The following METTL3 variants were observed in gnomAD, a reference collection of about 807,000 sequenced individuals.
The protein encoded by METTL3 is N(6)-adenosine-methyltransferase catalytic subunit METTL3.
Under a neutral mutation model 64.3 loss-of-function variants are expected in METTL3, and 42 were observed. That is an observed-to-expected ratio of 0.65 (90% CI 0.51 to 0.84). The LOEUF is 0.84. Ranked by LOEUF, METTL3 falls within the 40% of genes least tolerant of loss-of-function variation. METTL3 has a pLI of 0.00. For synonymous variants in METTL3, 256 were observed against 263.6 expected (o/e 0.97, Z 0.28); for missense variants, 435 against 722.3 (o/e 0.60, Z 4.56).
chr14:21,503,283 G>C lies in METTL3; in HGVS notation c.613C>G (p.Pro205Ala). 2 of 1,614,154 alleles carry C rather than the reference G, an allele frequency of 1.2e-6. No homozygotes were observed. Among genetic ancestry groups the C allele is most frequent in the South Asian group, 2.2e-5 (2 of 91,080 alleles). ...VSGLNSSASE[P>A]AKEPAKKSRK... Reference sequence around the variant, plus strand: ...GATTTCTTGGCTGGCTCCTTTGCTGGTTCCGATGCTGAAGAGTTCAGACCA... The same window carrying C: ...GATTTCTTGGCTGGCTCCTTTGCTGCTTCCGATGCTGAAGAGTTCAGACCA... The change falls in exon 3 of 11, where the codon CCA (proline) becomes GCA (alanine). Residue 205 changes from proline (P) to alanine (A), a missense_variant. By Grantham distance (27) the Pro-to-Ala change is conservative. This residue lies in a region of METTL3 where 228 missense variants were observed against 279.6 expected (regional missense o/e 0.82). Coordinates refer to ENST00000298717, the MANE Select transcript of METTL3 (RefSeq NM_019852.5).
chr14:21,498,931 G>A, intron 10 of METTL3, 94 bp downstream of exon 10: 1 of 803,372 alleles, frequency 1.2e-6, no homozygotes, highest in African/African-American at 1.7e-5. Context: ...CTCATTTATG[G>A]ACTAGTGTAA....
rs749142281 is a variant in METTL3 at position 21,501,854 on chromosome 14, T to C, written c.773A>G (p.Gln258Arg). 6.2e-7 allele frequency: 1 copy of C among 1,614,164 alleles called. No homozygotes were observed. The highest frequency in any genetic ancestry group is 8.5e-7 in the Non-Finnish European group (1 of 1,180,020). The change falls in exon 4 of 11, where the codon CAA becomes CGA. Residue 258 changes from glutamine (Q) to arginine (R), a missense_variant. Gln to Arg is a conservative substitution (Grantham distance 43, BLOSUM62 1). Coordinates refer to ENST00000298717, the MANE Select transcript of METTL3 (RefSeq NM_019852.5). ...AGAGCGAAATTTTTCAACAATGGATTGTTCCTTGGCTGTTGTAGTATTTAA... is the reference window on the plus strand; with the variant it reads ...AGAGCGAAATTTTTCAACAATGGATCGTTCCTTGGCTGTTGTAGTATTTAA... ...ELLNTTTAKE[Q>R]SIVEKFRSRG... is the part of the protein sequence containing the mutation.
intron 9 of METTL3, 74 bp from the exon 10 acceptor site, chr14:21,499,211 T>C (rs1256759035): frequency 3.2e-6 from 5 of 1,582,638 alleles, no homozygotes; most frequent in Admixed American, 1.7e-5. Flanking sequence ...ATGTTTATGA[T>C]CTAAATGAGA....
intron 10 of METTL3, chr14:21,498,724 A>G (rs1412857819): frequency 2.2e-6 from 1 of 460,816 alleles, no homozygotes; most frequent in Non-Finnish European, 3.9e-6. Flanking sequence ...GATTAAATAG[A>G]TAACTTCGTA....
intron 1 of METTL3, among the ~76,000 whole-genome samples, chr14:21,505,217 GA>G (rs1891668972): frequency 6.6e-6 from 1 of 152,218 alleles, no homozygotes; most frequent in Non-Finnish European, 1.5e-5. Context: ...GCTGAGGTGG[GA>G]GGATTCCACT....
At chr14:21,501,611 A>T in intron 4 of METTL3, 117 bp downstream of exon 4, 1 of 1,345,844 alleles carries the variant, frequency 7.4e-7, no homozygotes, top group Non-Finnish European at 1.0e-6. Flanking sequence ...TGGAGGACTT[A>T]CACAAACCAT....
intron 1 of METTL3, among the ~76,000 whole-genome samples, chr14:21,506,631 T>C (rs1393137929): frequency 6.6e-6 from 1 of 152,178 alleles, no homozygotes; most frequent in African/African-American, 2.4e-5. Flanking sequence ...AGCAGCATTA[T>C]TTACAATAGC....
intron 1 of METTL3, chr14:21,507,934 T>TA (rs1228104640): frequency 6.6e-6 from 1 of 152,084 alleles, no homozygotes; most frequent in African/African-American, 2.4e-5. Flanking sequence ...GAAGACAAGA[T>TA]ACATTTAATT....
intron 1 of METTL3, among the ~76,000 whole-genome samples, chr14:21,508,582 T>C (rs1891754375): frequency 6.6e-6 from 1 of 152,014 alleles, no homozygotes; most frequent in Non-Finnish European, 1.5e-5. Flanking sequence ...AGAGTATGAA[T>C]TTAGAAATGG....
intron 7 of METTL3, 35 bp downstream of exon 7, chr14:21,499,723 CAGTATT>C (rs1205300230): frequency 1.9e-6 from 3 of 1,597,950 alleles, no homozygotes; most frequent in East Asian, 2.2e-5. Flanking sequence ...CTCACTGTAA[CAGTATT>C]ACCCTCAAAA....
chr14:21,498,979 TA>T, intron 10 of METTL3, 45 bp downstream of exon 10: 2 of 1,339,164 alleles, frequency 1.5e-6, no homozygotes, highest in East Asian at 2.3e-5. Context: ...TCCTTAATCA[TA>T]AATAATAGCC....
chr14:21,499,212 C>T, intron 9 of METTL3, 75 bp from the exon 10 acceptor site: 3 of 1,584,016 alleles, frequency 1.9e-6, no homozygotes, highest in Non-Finnish European at 2.6e-6. Context: ...TGTTTATGAT[C>T]TAAATGAGAA....
At chr14:21,499,918 T>TA in intron 6 of METTL3, 116 bp from the exon 7 acceptor site, 1 of 885,330 alleles carries the variant, frequency 1.1e-6, no homozygotes, top group South Asian at 1.5e-5. Context: ...AGTGAACATT[T>TA]ACATGCACAC....
chr14:21,511,323 G>T lies in METTL3; in HGVS notation c.-100C>A. 5 of 1,481,042 alleles carry T rather than the reference G, an allele frequency of 3.4e-6. No individual in the cohort carries two copies. Among genetic ancestry groups the T allele is most frequent in the South Asian group, 1.3e-5 (1 of 74,568 alleles). 91.7% of individuals were successfully genotyped at this position (1,481,042 alleles called of 1,614,324 possible). On this transcript the variant is annotated 5_prime_UTR_variant, in exon 1 of 11. Coordinates refer to ENST00000298717, the MANE Select transcript of METTL3 (RefSeq NM_019852.5). ...TAGCCAATTCTCACGCGGACACCCC[G>T]AAGGCTAACCGGAAAATGACCCCTG...
In METTL3 at chr14:21,499,314, C is replaced by T. The variant is rs1891496777; in HGVS notation, c.1510G>A (p.Val504Ile). ...FNQGLDCDVIVAEVRSTSHKP... is the reference protein window; with the variant it reads ...FNQGLDCDVIIAEVRSTSHKP... Reference sequence around the variant, plus strand: ...GCCTGGGAAGCACATACCTCAGCTACGATCACATCACAATCCAGACCCTGG... The same window carrying T: ...GCCTGGGAAGCACATACCTCAGCTATGATCACATCACAATCCAGACCCTGG... Residue 504 changes from valine (V) to isoleucine (I), a missense_variant, in exon 9 of 11, where the codon GTA (valine) becomes ATA (isoleucine). Val to Ile is a conservative substitution (Grantham distance 29). Transcript: ENST00000298717. 1.2e-6 allele frequency: 2 copies of T among 1,614,078 alleles called. No individual in the cohort carries two copies. The highest frequency in any genetic ancestry group is 1.3e-5 in the African/African-American group (1 of 74,922).
At chr14:21,509,108 C>T (rs1891768530) in intron 1 of METTL3, among the ~76,000 whole-genome samples, 1 of 151,068 alleles carries the variant, frequency 6.6e-6, no homozygotes, top group Non-Finnish European at 1.5e-5. Flanking sequence ...GGGAGGCCAA[C>T]GTGAGTGGAT....
intron 10 of METTL3, chr14:21,498,678 A>G: frequency 2.1e-6 from 1 of 483,900 alleles, no homozygotes; most frequent in South Asian, 2.6e-5. Context: ...ATGTGTTTTA[A>G]GCTCTGTTAA....
Position 21,500,753 on chromosome 14 carries a change from C to T in METTL3, c.1117-71G>A, listed in dbSNP as rs150235149. On this transcript the variant is annotated intron_variant, in intron 5 of 10. Coordinates refer to ENST00000298717, the MANE Select transcript of METTL3 (RefSeq NM_019852.5). ...ATTCATGGCCCGAGTCCCTCTTTTC[C>T]ATTTGATTTTTCCTATTCCCTTAAA... The T allele has an allele frequency of 7.7e-4, 1,175 of 1,518,340 alleles. 9 individuals are homozygous for T. The African/African-American group carries it at 0.015, about 19-fold the overall frequency. 94.1% of individuals were successfully genotyped at this position (1,518,340 alleles called of 1,614,324 possible).
At chr14:21,499,443 G>T (rs3168879) in intron 8 of METTL3, 49 bp downstream of exon 8, 1 of 1,606,144 alleles carries the variant, frequency 6.2e-7, no homozygotes, top group South Asian at 1.1e-5. Context: ...GAAATCAAAT[G>T]ATTCTTCTTT....
Sources: gnomAD v4.1 joint callset for allele counts (sites outside exome capture counted in the v4.1 genomes callset) on GRCh38, gnomAD v4.1.1 for gene constraint, gnomAD v4.1.1 regional missense constraint, MANE v1.5 for transcripts, NCBI Gene and HGNC (gene_info 2026-07-23, HGNC 2026-07-21) for gene names.